The following ZIC1 variants were observed in gnomAD, a reference collection of about 807,000 sequenced individuals.
ZIC1 encodes Zic family zinc finger 1.
In ZIC1, 4 loss-of-function variants were observed where a neutral mutation model predicts 30.9. The observed-to-expected ratio is 0.13, with a 90% CI of 0.06 to 0.30. ZIC1 has a LOEUF of 0.30. ZIC1 is among the 10% of genes least tolerant of loss of function. The pLI, the probability that ZIC1 is intolerant of heterozygous loss-of-function variation, is 1.00. For synonymous variants in ZIC1, 305 were observed against 277.5 expected, an observed-to-expected ratio of 1.10 and a Z score of -0.98; for missense variants, 441 against 639.3, an observed-to-expected ratio of 0.69 and a Z score of 3.34.
In ZIC1 at chr3:147,414,719, C is replaced by T. The variant is rs986257684; in HGVS notation, c.*1168C>T. ...TGATAAATGAATGCTACCCTGCTGG[C>T]TCTCCGAGAGAGTGTAATTAGTATT... is the stretch of plus-strand genomic sequence containing the variant. On this transcript the variant is annotated 3_prime_UTR_variant, in exon 3 of 3. Transcript: ENST00000282928. 8 of 152,610 alleles carry T rather than the reference C, an allele frequency of 5.2e-5. No individual in the cohort carries two copies. Among genetic ancestry groups the T allele is most frequent in the African/African-American group, 1.9e-4 (8 of 41,428 alleles). The allele number at this position is 152,610 out of a possible 1,614,324, so 9.5% of individuals were successfully genotyped here.
rs772927929 is a variant in ZIC1 at position 147,410,554 on chromosome 3, G to C, written c.442G>C (p.Glu148Gln). 6.2e-7 allele frequency: 1 copy of C among 1,611,160 alleles called. No homozygotes were observed. Reference protein sequence around the residue: ...AGHLLFPGLHEQAAGHASPNV... With the variant: ...AGHLLFPGLHQQAAGHASPNV... ...CCACCTCCTCTTCCCCGGGCTTCAC[G>C]AGCAGGCTGCCGGCCACGCGTCGCC... is the stretch of plus-strand genomic sequence containing the variant. The change falls in exon 1 of 3, where the codon GAG (glutamate) becomes CAG (glutamine). Residue 148 changes from glutamate to glutamine, a missense_variant. By Grantham distance (29) the Glu-to-Gln change is conservative. Around this residue, in one of 5 missense-constraint regions of ZIC1, gnomAD observed 307 missense variants for 355.3 expected, o/e 0.86. Transcript: ENST00000282928.
chr3:147,412,445 T>C, intron 1 of ZIC1, 73 bp from the exon 2 acceptor site: 2 of 1,557,592 alleles, frequency 1.3e-6, no homozygotes, highest in African/African-American at 1.4e-5. Context: ...TTTTTTTCTA[T>C]TTGTTTAGTT....
At position 147,414,182 on chromosome 3, in the gene ZIC1, T is replaced by C. The variant is rs944673343; in HGVS notation, c.*631T>C. The C allele has an allele frequency of 6.6e-5, 10 of 152,484 alleles. No homozygotes were observed. Among genetic ancestry groups the C allele is most frequent in the Admixed American group, 2.0e-4 (3 of 15,274 alleles). The allele number at this position is 152,484 out of a possible 1,614,324, so 9.4% of individuals were successfully genotyped here. A position where few individuals can be genotyped will look rare whatever the true frequency, so the allele number is the denominator to read the frequency against. On this transcript the variant is annotated 3_prime_UTR_variant, in exon 3 of 3. Coordinates refer to ENST00000282928, the MANE Select transcript of ZIC1 (RefSeq NM_003412.4). ...TCCACGTCGACCTAACCCAATATTA[T>C]TGGTATTAATGTGCTTTTTTTGTAT...
chr3:147,409,971 G>C lies in ZIC1; in HGVS notation c.-142G>C. ...TTGCCTGCAGGCTAGGACTTCGCGA[G>C]GTGGGTCGACTCCCCCTCCCTCCTC... On this transcript the variant is annotated 5_prime_UTR_variant, in exon 1 of 3. Transcript: ENST00000282928. 1 of 941,566 alleles carries C rather than the reference G, an allele frequency of 1.1e-6. No individual in the cohort carries two copies. The highest frequency in any genetic ancestry group is 1.5e-6 in the Non-Finnish European group (1 of 668,172). 58.3% of individuals were successfully genotyped at this position (941,566 alleles called of 1,614,324 possible). A position where few individuals can be genotyped will look rare whatever the true frequency, so the allele number is the denominator to read the frequency against.
At chr3:147,411,933 A>G (rs1455421762) in intron 1 of ZIC1, among the ~76,000 whole-genome samples, 1 of 151,954 alleles carries the variant, frequency 6.6e-6, no homozygotes, top group Non-Finnish European at 1.5e-5. Context: ...CTCCTTTCCT[A>G]TTCTGATTTT....
chr3:147,414,804 A>T lies in ZIC1; in HGVS notation c.*1253A>T, dbSNP rs76310462. The T allele has an allele frequency of 0.057, 8,722 of 152,734 alleles. 345 individuals are homozygous for T. The highest frequency in any genetic ancestry group is 0.1 in the South Asian group (481 of 4,820). The allele number at this position is 152,734 out of a possible 1,614,324, so 9.5% of individuals were successfully genotyped here. On this transcript the variant is annotated 3_prime_UTR_variant, in exon 3 of 3. Coordinates refer to ENST00000282928, the MANE Select transcript of ZIC1 (RefSeq NM_003412.4). ...AGTATAATTTAAATGACCTTTGCAG[A>T]TGTAGAATAACAACCATAAAAATAA...
chr3:147,412,852 G>T (rs1024969517), intron 2 of ZIC1, among the ~76,000 whole-genome samples, 171 bp downstream of exon 2: 1 of 152,232 alleles, frequency 6.6e-6, no homozygotes, highest in African/African-American at 2.4e-5. Context: ...CCTGGAAAAG[G>T]GGATGGGAGT....
At position 147,411,232 on chromosome 3, in the gene ZIC1, G is replaced by A. The variant is rs898159818; in HGVS notation, c.982+138G>A. On this transcript the variant is annotated intron_variant, in intron 1 of 2. Coordinates refer to ENST00000282928, the MANE Select transcript of ZIC1 (RefSeq NM_003412.4). The stretch of plus-strand genomic sequence containing the variant: ...GTTCCGGCAGGCAGGCAGGGAAAGT[G>A]TGCGCTGATTTTTAGTTTCTGGCTT... 50 of 1,232,006 alleles carry A rather than the reference G, an allele frequency of 4.1e-5. No individual in the cohort carries two copies. In the South Asian group the frequency reaches 7.7e-4, roughly 19 times the overall value. The allele number at this position is 1,232,006 out of a possible 1,614,324, so 76.3% of individuals were successfully genotyped here.
chr3:147,412,767 C>A lies in ZIC1; in HGVS notation c.1146+86C>A, dbSNP rs73004645. 710 of 1,516,540 alleles carry A rather than the reference C, an allele frequency of 4.7e-4. 3 individuals are homozygous for A. In the African/African-American group the frequency reaches 9.2e-3, roughly 20 times the overall value. 93.9% of individuals were successfully genotyped at this position (1,516,540 alleles called of 1,614,324 possible). Reference sequence around the variant, plus strand: ...GGTCGGGCGGCGAGTGGCAGACAGGCGGTGGCGGGAGCCAGAGGAAGCGGG... The same window carrying A: ...GGTCGGGCGGCGAGTGGCAGACAGGAGGTGGCGGGAGCCAGAGGAAGCGGG... On this transcript the variant is annotated intron_variant, in intron 2 of 2. Transcript: ENST00000282928.
In ZIC1 at chr3:147,410,935, G is replaced by A; in HGVS notation, c.823G>A (p.Glu275Lys). ...EQSNHICFWE[E>K]CPREGKPFKA... The stretch of plus-strand genomic sequence containing the variant: ...GAGTAATCACATCTGCTTCTGGGAG[G>A]AGTGTCCGCGCGAGGGCAAGCCCTT... The change falls in exon 1 of 3, where the codon GAG becomes AAG. Residue 275 changes from glutamate (E) to lysine (K), a missense_variant. Physicochemically the swap from Glu to Lys is moderately conservative, Grantham distance 56. Transcript: ENST00000282928. The A allele has an allele frequency of 3.1e-6, 5 of 1,614,280 alleles. No homozygotes were observed. Among genetic ancestry groups the A allele is most frequent in the South Asian group, 1.1e-5 (1 of 91,088 alleles).
intron 1 of ZIC1, 106 bp from the exon 2 acceptor site, chr3:147,412,412 G>A: frequency 7.3e-6 from 10 of 1,376,280 alleles, no homozygotes; most frequent in Non-Finnish European, 1.0e-5. Flanking sequence ...TGCTAATCCT[G>A]GGCTGCTGGC....
chr3:147,409,545 T>C lies in ZIC1; in HGVS notation c.-568T>C, dbSNP rs2107992152. The C allele has an allele frequency of 6.6e-6, 1 of 151,942 alleles. No individual in the cohort carries two copies. The highest frequency in any genetic ancestry group is 2.4e-5 in the African/African-American group (1 of 41,310). 9.4% of individuals were successfully genotyped at this position (151,942 alleles called of 1,614,324 possible). A position where few individuals can be genotyped will look rare whatever the true frequency, so the allele number is the denominator to read the frequency against. ...CCCCACCCACTTTTTTTTTTTTTTTTTTCAAAAAGCAGAGAGGGAAAAACG... is the reference window on the plus strand; with the variant it reads ...CCCCACCCACTTTTTTTTTTTTTTTCTTCAAAAAGCAGAGAGGGAAAAACG... On this transcript the variant is annotated 5_prime_UTR_variant, in exon 1 of 3. Transcript: ENST00000282928.
rs541251703 is a variant in ZIC1 at position 147,413,503 on chromosome 3, A to G, written c.1296A>G (p.Thr432=). The G allele has an allele frequency of 6.2e-7, 1 of 1,614,014 alleles. No homozygotes were observed. The highest frequency in any genetic ancestry group is 1.3e-5 in the African/African-American group (1 of 74,894). The part of the protein sequence containing the change: ...LSPSSSAVHH[T]AGHSALSSNF... ...CCTCCTCCTCCGCAGTCCACCACAC[A>G]GCCGGCCACAGTGCGCTCTCTTCCA... Residue 432 remains threonine (T), a synonymous_variant, in exon 3 of 3, where the codon ACA becomes ACG. Coordinates refer to ENST00000282928, the MANE Select transcript of ZIC1 (RefSeq NM_003412.4).
In ZIC1 at chr3:147,410,727, C is replaced by T. The variant is rs964037096; in HGVS notation, c.615C>T (p.Ala205=). 3.7e-6 allele frequency: 6 copies of T among 1,613,920 alleles called. No homozygotes were observed. In the African/African-American group the frequency reaches 6.7e-5, roughly 18 times the overall value. ...HGYGPMNVNM[A]AHHGAGAFFR... ...ACGGGCCCATGAACGTGAACATGGC[C>T]GCGCATCACGGCGCCGGCGCCTTCT... The change falls in exon 1 of 3, where the codon GCC becomes GCT. Residue 205 remains alanine, a synonymous_variant. Coordinates refer to ENST00000282928, the MANE Select transcript of ZIC1 (RefSeq NM_003412.4).
rs1286657999 is a variant in ZIC1, at chr3:147,414,724, C to T, written c.*1173C>T. 5 of 152,464 alleles carry T rather than the reference C, an allele frequency of 3.3e-5. No homozygotes were observed. In the East Asian group the frequency reaches 9.6e-4, roughly 29 times the overall value. 9.4% of individuals were successfully genotyped at this position (152,464 alleles called of 1,614,324 possible). A position where few individuals can be genotyped will look rare whatever the true frequency, so the allele number is the denominator to read the frequency against. On this transcript the variant is annotated 3_prime_UTR_variant, in exon 3 of 3. Coordinates refer to ENST00000282928, the MANE Select transcript of ZIC1 (RefSeq NM_003412.4). ...AATGAATGCTACCCTGCTGGCTCTCCGAGAGAGTGTAATTAGTATTTATAT... is the reference window on the plus strand; with the variant it reads ...AATGAATGCTACCCTGCTGGCTCTCTGAGAGAGTGTAATTAGTATTTATAT...
chr3:147,413,744 T>C lies in ZIC1; in HGVS notation c.*193T>C, dbSNP rs2087404581. Reference sequence around the variant, plus strand: ...CAACCTTTTAAAAATTTCCTTTCGCTTTCATTATTTTTCTTTTTTTGGCAA... The same window carrying C: ...CAACCTTTTAAAAATTTCCTTTCGCCTTCATTATTTTTCTTTTTTTGGCAA... On this transcript the variant is annotated 3_prime_UTR_variant, in exon 3 of 3. Coordinates refer to ENST00000282928, the MANE Select transcript of ZIC1 (RefSeq NM_003412.4). The C allele has an allele frequency of 1.6e-6, 1 of 643,630 alleles. No individual in the cohort carries two copies. The highest frequency in any genetic ancestry group is 4.0e-5 in the Admixed American group (1 of 24,872). 39.9% of individuals were successfully genotyped at this position (643,630 alleles called of 1,614,324 possible). A position where few individuals can be genotyped will look rare whatever the true frequency, so the allele number is the denominator to read the frequency against.
rs1300787638 is a variant in ZIC1 at position 147,410,619 on chromosome 3, G to C, written c.507G>C (p.Gly169=). 2 of 1,613,464 alleles carry C rather than the reference G, an allele frequency of 1.2e-6. No homozygotes were observed. Among genetic ancestry groups the C allele is most frequent in the South Asian group, 2.2e-5 (2 of 91,074 alleles). ...GGCAGATGAGGCTCGGCTTCTCGGG[G>C]GACATGTACCCGCGACCGGAGCAGT... ...VNGQMRLGFS[G]DMYPRPEQYG... Residue 169 remains glycine, a synonymous_variant, in exon 1 of 3, where the codon GGG becomes GGC. Transcript: ENST00000282928.
chr3:147,410,429 GT>G lies in ZIC1; in HGVS notation c.321del (p.Phe107LeufsTer57). On this transcript the variant is annotated frameshift_variant, in exon 1 of 3. Coordinates refer to ENST00000282928, the MANE Select transcript of ZIC1 (RefSeq NM_003412.4). LOFTEE classifies it high-confidence loss of function. Reference sequence around the variant, plus strand: ...CGGGACTTTCTGTTCCGCAACCGGGGTTTTGGCGACGCGGCGGCGGCAGCCA... The same window carrying G: ...CGGGACTTTCTGTTCCGCAACCGGGGTTTGGCGACGCGGCGGCGGCAGCCA... The part of the protein sequence containing the change: ...STRDFLFRNR[G>X]FGDAAAAASA... 6.2e-7 allele frequency: 1 copy of G among 1,603,748 alleles called. No homozygotes were observed.
rs2087366884 is a variant in ZIC1 at position 147,410,812 on chromosome 3, C to T, written c.700C>T (p.Gln234Ter). Residue 234 changes from glutamine to a stop codon, truncating the protein, a stop_gained, in exon 1 of 3, where the codon CAG (glutamine) becomes TAG (stop). Transcript: ENST00000282928. LOFTEE classifies it high-confidence loss of function. ...ELICKWIEPE[Q>*]LANPKKSCNK... Reference sequence around the variant, plus strand: ...CATCTGCAAGTGGATCGAGCCCGAGCAGCTGGCCAACCCCAAAAAGTCGTG... The same window carrying T: ...CATCTGCAAGTGGATCGAGCCCGAGTAGCTGGCCAACCCCAAAAAGTCGTG... 1 of 1,614,132 alleles carries T rather than the reference C, an allele frequency of 6.2e-7. No homozygotes were observed. Among genetic ancestry groups the T allele is most frequent in the African/African-American group, 1.3e-5 (1 of 74,958 alleles).
Sources: gnomAD v4.1 joint callset for allele counts (sites outside exome capture counted in the v4.1 genomes callset) on GRCh38, gnomAD v4.1.1 for gene constraint, gnomAD v4.1.1 regional missense constraint, MANE v1.5 for transcripts, NCBI Gene and HGNC (gene_info 2026-07-23, HGNC 2026-07-21) for gene names.